The following ARL15 variants were observed in gnomAD, a reference collection of about 807,000 sequenced individuals.
The protein encoded by ARL15 is ADP-ribosylation factor-like protein 15.
ARL15 carries 19 observed loss-of-function variants against 25.2 expected under a neutral mutation model. The observed-to-expected ratio is 0.75, with a 90% CI of 0.53 to 1.10. The LOEUF is 1.10. Among genes scored for constraint, ARL15 ranks in the 50% least tolerant of loss-of-function variants. ARL15 has a pLI of 0.00. For missense variants in ARL15, 220 were observed against 246.0 expected (o/e 0.89, Z 0.71); for synonymous variants, 94 against 86.8 (o/e 1.08, Z -0.46).
At position 54,168,233 on chromosome 5, in the gene ARL15, T is replaced by C. The variant is rs548713461; in HGVS notation, c.193+3551A>G. Among the ~76,000 whole-genome samples, 3 of 152,252 alleles carry C rather than the reference T, an allele frequency of 2.0e-5. No homozygotes were observed. In the East Asian group the frequency reaches 5.8e-4, roughly 30 times the overall value. On this transcript the variant is annotated intron_variant, in intron 2 of 4. Transcript: ENST00000504924. ...CTTCCCGCTTTCTACCCATTACCCCTGGACAAGCTCATCCAAATCTATGAC... is the reference window on the plus strand; with the variant it reads ...CTTCCCGCTTTCTACCCATTACCCCCGGACAAGCTCATCCAAATCTATGAC...
At chr5:53,896,685 A>G (rs1744885499) in intron 4 of ARL15, among the ~76,000 whole-genome samples, 1 of 152,008 alleles carries the variant, frequency 6.6e-6, no homozygotes, top group South Asian at 2.1e-4. Context: ...TTTAGTAGAG[A>G]CGGGGTTTCA....
At chr5:54,246,797 T>TACACACACACACACACAC (rs61025147) in intron 1 of ARL15, among the ~76,000 whole-genome samples, 2 of 138,996 alleles carry the variant, frequency 1.4e-5, no homozygotes, top group African/African-American at 2.8e-5. Flanking sequence ...AAAGCATGCA[T>TACACACACACACACACAC]ACACACACAC....
chr5:54,271,941 TATTTA>T (rs1216515732), intron 1 of ARL15, among the ~76,000 whole-genome samples: 1 of 150,562 alleles, frequency 6.6e-6, no homozygotes, highest in Non-Finnish European at 1.5e-5. Context: ...TTTATTTATT[TATTTA>T]AATTGGTTTT....
intron 3 of ARL15, among the ~76,000 whole-genome samples, chr5:54,139,724 T>C (rs1410675681): frequency 2.0e-5 from 3 of 152,072 alleles, no homozygotes; most frequent in Admixed American, 2.0e-4. Context: ...GTCAGCTACT[T>C]GGAAGGCTGA....
At chr5:53,890,410 A>G (rs977700045) in intron 4 of ARL15, among the ~76,000 whole-genome samples, 5 of 152,238 alleles carry the variant, frequency 3.3e-5, no homozygotes, top group African/African-American at 2.4e-5. Context: ...CAAGATGAAC[A>G]TCTTAAAAAT....
At chr5:53,967,635 G>A (rs1432013950) in intron 4 of ARL15, among the ~76,000 whole-genome samples, 2 of 152,274 alleles carry the variant, frequency 1.3e-5, no homozygotes, top group East Asian at 3.9e-4. Flanking sequence ...AGACTTGTGA[G>A]GTGTCCAGTA....
intron 4 of ARL15, among the ~76,000 whole-genome samples, chr5:53,928,521 A>G (rs1746100613): frequency 6.6e-6 from 1 of 152,218 alleles, no homozygotes; most frequent in Non-Finnish European, 1.5e-5. Context: ...AGTGCGAGGC[A>G]TAAATTGAGG....
intron 4 of ARL15, among the ~76,000 whole-genome samples, chr5:53,903,254 G>C (rs558682236): frequency 1.3e-5 from 2 of 152,192 alleles, no homozygotes; most frequent in Admixed American, 1.3e-4. Context: ...ACAGCATTGG[G>C]AGTGTGGCCT....
At chr5:54,181,004 T>A (rs1755040627) in intron 1 of ARL15, among the ~76,000 whole-genome samples, 1 of 152,102 alleles carries the variant, frequency 6.6e-6, no homozygotes, top group South Asian at 2.1e-4. Context: ...GATCAGTGGC[T>A]TTCAAGAGTC....
chr5:54,149,079 T>C (rs760281030), intron 3 of ARL15, among the ~76,000 whole-genome samples: 6 of 152,228 alleles, frequency 3.9e-5, no homozygotes, highest in Admixed American at 6.5e-5. Context: ...CACTGCAGTG[T>C]GGACAACTGC....
intron 4 of ARL15, among the ~76,000 whole-genome samples, chr5:53,896,598 G>A (rs996211908): frequency 2.6e-5 from 4 of 151,856 alleles, no homozygotes; most frequent in East Asian, 1.9e-4. Context: ...GGTTGTTCAC[G>A]CCATCCTCCT....
chr5:54,118,747 C>T (rs974115854), intron 3 of ARL15, among the ~76,000 whole-genome samples: 2 of 152,120 alleles, frequency 1.3e-5, no homozygotes, highest in African/African-American at 2.4e-5. Flanking sequence ...ACCATTATAT[C>T]GGAATTCTAA....
At chr5:54,119,647 C>T (rs140137446) in intron 3 of ARL15, among the ~76,000 whole-genome samples, 497 of 152,252 alleles carry the variant, frequency 3.3e-3, no homozygotes, top group Non-Finnish European at 5.0e-3. Flanking sequence ...TTTGCCATTC[C>T]TACCATGTTC....
At chr5:54,053,753 T>A (rs1202431284) in intron 4 of ARL15, among the ~76,000 whole-genome samples, 1 of 152,156 alleles carries the variant, frequency 6.6e-6, no homozygotes, top group Non-Finnish European at 1.5e-5. Context: ...ACTGTCAAGG[T>A]CGTCAAAGAC....
intron 4 of ARL15, among the ~76,000 whole-genome samples, chr5:53,964,342 G>C (rs750366216): frequency 5.9e-5 from 9 of 152,026 alleles, no homozygotes; most frequent in Non-Finnish European, 1.2e-4. Context: ...TTCTATACTG[G>C]TTCTATTTTA....
rs58075148 is a variant in ARL15, at chr5:54,003,772, C to CT, written c.462+109429dup. Among the ~76,000 whole-genome samples the CT allele has an allele frequency of 6.1e-3, 933 of 151,864 alleles. 13 individuals are homozygous for CT. The highest frequency in any genetic ancestry group is 0.022 in the African/African-American group (894 of 41,384). ...ATTTAGAAACATCATTCTTGTGCCC[C>CT]TCCTTTTAAAAACGAAAAACAAACA... On this transcript the variant is annotated intron_variant, in intron 4 of 4. Transcript: ENST00000504924.
At chr5:54,001,810 C>T (rs1748856968) in intron 4 of ARL15, among the ~76,000 whole-genome samples, 1 of 152,226 alleles carries the variant, frequency 6.6e-6, no homozygotes. Context: ...AATGTAGCTA[C>T]TGGCCTCTGG....
At chr5:54,057,769 A>G (rs1331314050) in intron 4 of ARL15, among the ~76,000 whole-genome samples, 1 of 152,054 alleles carries the variant, frequency 6.6e-6, no homozygotes, top group Admixed American at 6.6e-5. Flanking sequence ...GGATGGCCTG[A>G]GTCTGGGAGG....
intron 3 of ARL15, among the ~76,000 whole-genome samples, chr5:54,148,706 G>A (rs1442997409): frequency 1.3e-5 from 2 of 152,158 alleles, no homozygotes; most frequent in Non-Finnish European, 2.9e-5. Flanking sequence ...GGGTAAGGAT[G>A]GTGGCTGGGA....
Sources: gnomAD v4.1 joint callset for allele counts (sites outside exome capture counted in the v4.1 genomes callset) on GRCh38, gnomAD v4.1.1 for gene constraint, MANE v1.5 for transcripts, NCBI Gene and HGNC (gene_info 2026-07-23, HGNC 2026-07-21) for gene names.